DOP1B: variants seen among roughly 807,000 people sequenced by gnomAD.
DOP1B encodes protein DOP1B.
Under a neutral mutation model 233.5 loss-of-function variants are expected in DOP1B, and 174 were observed. The ratio of observed to expected loss-of-function variants is 0.75; its 90% confidence interval spans 0.66 to 0.85. The LOEUF (loss-of-function observed/expected upper bound fraction) is 0.85, where lower values mean the gene tolerates loss of function less well. Among genes scored for constraint, DOP1B ranks in the 40% least tolerant of loss-of-function variants. The pLI is 0.00. For missense variants in DOP1B, 2,652 were observed against 2,846.6 expected (o/e 0.93, Z 1.56); for synonymous variants, 1,190 against 1,185.6 (o/e 1.00, Z -0.08).
chr21:36,227,989 C>T (rs2066713414), intron 13 of DOP1B, 112 bp downstream of exon 13: 1 of 1,090,444 alleles, frequency 9.2e-7, no homozygotes, highest in African/African-American at 1.6e-5. Flanking sequence ...TGAGAAGATA[C>T]CCAGGTGATA....
chr21:36,267,695 G>A (rs914003771), intron 26 of DOP1B, among the ~76,000 whole-genome samples: 5 of 134,524 alleles, frequency 3.7e-5, no homozygotes, highest in African/African-American at 1.5e-4. Flanking sequence ...GTATTTCAAT[G>A]TAGGTTCTTT....
rs1601475438 is a variant in DOP1B at position 36,277,039 on chromosome 21, C to G, written c.5651C>G (p.Ala1884Gly). The part of the protein sequence containing the change: ...EDLYDAAAAS[A>G]MVSSSAPSVY... ...TTCACAGATGCTGCTGCAGCTTCAGCAATGGTGTCTTCATCCGCCCCGTCG... is the reference window on the plus strand; with the variant it reads ...TTCACAGATGCTGCTGCAGCTTCAGGAATGGTGTCTTCATCCGCCCCGTCG... The change falls in exon 28 of 37, where the codon GCA becomes GGA. Residue 1884 changes from alanine to glycine, a missense_variant. Ala to Gly is a moderately conservative substitution (Grantham distance 60). Transcript: ENST00000691173. 6.2e-7 allele frequency: 1 copy of G among 1,614,124 alleles called. No individual in the cohort carries two copies. Among genetic ancestry groups the G allele is most frequent in the East Asian group, 2.2e-5 (1 of 44,870 alleles).
At chr21:36,164,993 A>G in intron 2 of DOP1B, 122 bp downstream of exon 2, 1 of 823,270 alleles carries the variant, frequency 1.2e-6, no homozygotes. Context: ...ATTACATATT[A>G]TACAGTATAA....
rs533958968 is a variant in DOP1B, at chr21:36,227,512, A to T, written c.1474-174A>T. Among the ~76,000 whole-genome samples, 600 of 151,930 alleles carry T rather than the reference A, an allele frequency of 3.9e-3. 4 individuals are homozygous for T. The highest frequency in any genetic ancestry group is 0.014 in the African/African-American group (577 of 41,458). ...CAGTGAGCCGAGATCGCGACACTGC[A>T]CTCCAGCCTGGGCTACAGAGCAAGA... On this transcript the variant is annotated intron_variant, in intron 12 of 36. Transcript: ENST00000691173.
chr21:36,217,074 CAAAAAAA>C (rs11353414), intron 9 of DOP1B, among the ~76,000 whole-genome samples: 1 of 100,028 alleles, frequency 1.0e-5, no homozygotes, highest in Non-Finnish European at 2.1e-5. Flanking sequence ...GACTCCATCT[CAAAAAAA>C]AAAAAAAAAA....
intron 14 of DOP1B, among the ~76,000 whole-genome samples, chr21:36,231,360 A>C (rs917381634): frequency 1.3e-5 from 2 of 152,202 alleles, no homozygotes; most frequent in African/African-American, 4.8e-5. Flanking sequence ...GCATCATGTC[A>C]GTGCTAATAA....
chr21:36,200,258 G>C (rs1192970047), intron 3 of DOP1B, 73 bp from the exon 4 acceptor site: 17 of 1,491,632 alleles, frequency 1.1e-5, no homozygotes, highest in Non-Finnish European at 1.5e-5. Context: ...AACTCCCCTC[G>C]GCTGGCTTGT....
intron 18 of DOP1B, among the ~76,000 whole-genome samples, chr21:36,240,578 CTA>C (rs1469626335): frequency 1.2e-4 from 18 of 152,152 alleles, no homozygotes; most frequent in African/African-American, 4.1e-4. Flanking sequence ...TTCTTTTAGA[CTA>C]TAAAATCTTG....
intron 32 of DOP1B, among the ~76,000 whole-genome samples, chr21:36,284,383 G>C (rs763374178): frequency 2.1e-5 from 3 of 145,716 alleles, no homozygotes; most frequent in South Asian, 2.1e-4. Flanking sequence ...CAATTCTCCT[G>C]CCTCAGCCTC....
chr21:36,193,233 A>G (rs563326629), intron 2 of DOP1B, among the ~76,000 whole-genome samples: 1 of 152,352 alleles, frequency 6.6e-6, no homozygotes, highest in African/African-American at 2.4e-5. Flanking sequence ...TAAGTTTTAC[A>G]TGGCATGAGA....
chr21:36,264,736 G>A (rs2067213553), intron 26 of DOP1B, among the ~76,000 whole-genome samples: 1 of 152,054 alleles, frequency 6.6e-6, no homozygotes, highest in African/African-American at 2.4e-5. Flanking sequence ...GCCTCCCAAA[G>A]TGCTGGGATT....
chr21:36,245,665 C>T lies in DOP1B; in HGVS notation c.3685C>T (p.Leu1229=). The change falls in exon 19 of 37, where the codon CTG becomes TTG. Residue 1229 remains leucine (L), a synonymous_variant. Transcript: ENST00000691173. This position sits in a 1 kb window ranked among gnomAD's most constrained non-coding sequence, Gnocchi z 5.5. The part of the protein sequence containing the change: ...EAVEALFKHI[L]LYLQPYDSRR... ...CGTCGAGGCCTTGTTCAAGCACATC[C>T]TGCTCTACCTGCAGCCCTACGACTC... 6.2e-7 allele frequency: 1 copy of T among 1,613,700 alleles called. No homozygotes were observed. The highest frequency in any genetic ancestry group is 8.5e-7 in the Non-Finnish European group (1 of 1,180,010).
chr21:36,176,097 C>CGTGCGTGTGTGTGTGTGTGTGT (rs2066023188), intron 2 of DOP1B, among the ~76,000 whole-genome samples: 1 of 141,744 alleles, frequency 7.1e-6, no homozygotes, highest in Non-Finnish European at 1.6e-5. Context: ...GGTGTGTGTG[C>CGTGCGTGTGTGTGTGTGTGTGT]GTGTGTGTGT....
At chr21:36,233,278 G>A (rs2066789027) in intron 15 of DOP1B, among the ~76,000 whole-genome samples, 1 of 152,164 alleles carries the variant, frequency 6.6e-6, no homozygotes, top group East Asian at 1.9e-4. Flanking sequence ...GAGAGCAACT[G>A]GGGCCCCAGT....
chr21:36,172,456 T>C (rs1234139800), intron 2 of DOP1B, among the ~76,000 whole-genome samples: 1 of 152,088 alleles, frequency 6.6e-6, no homozygotes, highest in Admixed American at 6.6e-5. Flanking sequence ...CTGATAGGAG[T>C]TGGTATGAAT....
At chr21:36,291,989 T>C in intron 35 of DOP1B, 115 bp from the exon 36 acceptor site, 1 of 1,214,922 alleles carries the variant, frequency 8.2e-7, no homozygotes. Context: ...ATAAAAGGCA[T>C]TGAGTTGTCC....
At chr21:36,180,825 G>A (rs2066090148) in intron 2 of DOP1B, among the ~76,000 whole-genome samples, 2 of 151,766 alleles carry the variant, frequency 1.3e-5, no homozygotes, top group South Asian at 2.1e-4. Context: ...AGGTTGCAAT[G>A]AGCCGAGATT....
chr21:36,186,403 A>G (rs777674061), intron 2 of DOP1B, among the ~76,000 whole-genome samples: 1 of 151,848 alleles, frequency 6.6e-6, no homozygotes, highest in African/African-American at 2.4e-5. Context: ...GTGTACATGT[A>G]TGCATGTGTA....
chr21:36,263,697 A>G lies in DOP1B; in HGVS notation c.5420+47A>G, dbSNP rs192416665. On this transcript the variant is annotated intron_variant, in intron 25 of 36. Coordinates refer to ENST00000691173, the MANE Select transcript of DOP1B (RefSeq NM_001320714.2). ...ATTGTGTAATATTTTCTCTTGGCAC[A>G]TATTTTATTTCTGCAGCATTTTTAA... 14 of 1,613,450 alleles carry G rather than the reference A, an allele frequency of 8.7e-6. No homozygotes were observed. In the East Asian group the frequency reaches 2.5e-4, roughly 28 times the overall value.
Sources: gnomAD v4.1 joint callset for allele counts (sites outside exome capture counted in the v4.1 genomes callset) on GRCh38, gnomAD v4.1.1 for gene constraint, Gnocchi (gnomAD v3.1) non-coding constraint, MANE v1.5 for transcripts, NCBI Gene and HGNC (gene_info 2026-07-23, HGNC 2026-07-21) for gene names.